The following GABRA2 variants were observed in gnomAD, a reference collection of about 807,000 sequenced individuals.
GABRA2 encodes the protein gamma-aminobutyric acid receptor subunit alpha-2.
A neutral mutation model predicts 48.7 loss-of-function variants in GABRA2; 16 were observed. The observed-to-expected ratio is 0.33, with a 90% CI of 0.22 to 0.50. GABRA2 has a LOEUF of 0.50. Among genes scored for constraint, GABRA2 ranks in the 20% least tolerant of loss-of-function variants. GABRA2 has a pLI of 0.98. For synonymous variants in GABRA2, 185 were observed against 184.5 expected, an observed-to-expected ratio of 1.00 and a Z score of -0.02; for missense variants, 275 against 535.6, an observed-to-expected ratio of 0.51 and a Z score of 4.80.
rs1402726397 is a variant in GABRA2 at position 46,245,737 on chromosome 4, A to T, written c.*4571T>A. Reference sequence around the variant, plus strand: ...AAACATACACACATCACTGACACACACAGCTAAGACCCTATTAAAAGATCT... The same window carrying T: ...AAACATACACACATCACTGACACACTCAGCTAAGACCCTATTAAAAGATCT... On this transcript the variant is annotated 3_prime_UTR_variant, in exon 10 of 10. Coordinates refer to ENST00000381620, the MANE Select transcript of GABRA2 (RefSeq NM_000807.4). 6.6e-6 allele frequency among the ~76,000 whole-genome samples: 1 copy of T among 151,202 alleles called. No individual in the cohort carries two copies. Among genetic ancestry groups the T allele is most frequent in the African/African-American group, 2.4e-5 (1 of 41,368 alleles).
intron 3 of GABRA2, among the ~76,000 whole-genome samples, chr4:46,342,999 A>G (rs1000891081): frequency 1.3e-5 from 2 of 151,984 alleles, no homozygotes; most frequent in African/African-American, 4.8e-5. Flanking sequence ...ATATAGGGTT[A>G]ACTACATGCC....
chr4:46,364,764 G>A (rs1458357817), intron 3 of GABRA2: 1 of 152,098 alleles, frequency 6.6e-6, no homozygotes, highest in Non-Finnish European at 1.5e-5. Context: ...AGATTTAAAA[G>A]GCTCATGTGA....
intron 3 of GABRA2, among the ~76,000 whole-genome samples, chr4:46,352,746 G>A (rs1322355395): frequency 6.6e-6 from 1 of 152,008 alleles, no homozygotes; most frequent in Non-Finnish European, 1.5e-5. Flanking sequence ...ACAATCTAAG[G>A]CTCTTAAAAG....
chr4:46,300,498 G>C (rs1725547207), intron 8 of GABRA2, among the ~76,000 whole-genome samples: 1 of 151,710 alleles, frequency 6.6e-6, no homozygotes, highest in Non-Finnish European at 1.5e-5. Context: ...ACAAGTTCTA[G>C]ACTTATAAGT....
intron 9 of GABRA2, among the ~76,000 whole-genome samples, chr4:46,257,168 T>A (rs1716002687): frequency 6.6e-6 from 1 of 151,662 alleles, no homozygotes; most frequent in Admixed American, 6.6e-5. Context: ...TGTAATGAGA[T>A]GTTGTAAAAA....
chr4:46,289,912 T>TTATTTATTTTTA (rs1560482683), intron 8 of GABRA2, among the ~76,000 whole-genome samples: 14 of 143,828 alleles, frequency 9.7e-5, no homozygotes, highest in African/African-American at 3.2e-4. Context: ...TATTTATTTT[T>TTATTTATTTTTA]ATTTTTTTTT....
intron 3 of GABRA2, among the ~76,000 whole-genome samples, chr4:46,383,474 T>C (rs764961726): frequency 4.6e-5 from 7 of 152,294 alleles, no homozygotes; most frequent in Admixed American, 2.6e-4. Flanking sequence ...AGCATCAACA[T>C]TTATTTTATG....
rs115875534 is a variant in GABRA2 at position 46,250,943 on chromosome 4, G to A, written c.1060-339C>T. On this transcript the variant is annotated intron_variant, in intron 9 of 9. Coordinates refer to ENST00000381620, the MANE Select transcript of GABRA2 (RefSeq NM_000807.4). ...GTATTTGTCAAATGAATGACTGAATGAATAACTGAAATGTAGAAATATTTT... is the reference window on the plus strand; with the variant it reads ...GTATTTGTCAAATGAATGACTGAATAAATAACTGAAATGTAGAAATATTTT... Among the ~76,000 whole-genome samples, 1,153 of 151,588 alleles carry A rather than the reference G, an allele frequency of 7.6e-3. 16 individuals carry two copies. The highest frequency in any genetic ancestry group is 0.026 in the African/African-American group (1,087 of 41,440).
intron 3 of GABRA2, among the ~76,000 whole-genome samples, chr4:46,372,262 A>T (rs1458459563): frequency 1.3e-5 from 2 of 152,166 alleles, no homozygotes; most frequent in African/African-American, 4.8e-5. Flanking sequence ...CAAGCAGGAC[A>T]CTAATTTCCC....
At chr4:46,267,881 A>ATTTCAGATTTTTCAGATTATGGATGCTG (rs1374022653) in intron 8 of GABRA2, among the ~76,000 whole-genome samples, 2 of 151,998 alleles carry the variant, frequency 1.3e-5, no homozygotes, top group Non-Finnish European at 2.9e-5. Flanking sequence ...GTCATTGTAG[A>ATTTCAGATTTTTCAGATTATGGATGCTG]TTTCAGATTT....
intron 3 of GABRA2, among the ~76,000 whole-genome samples, chr4:46,385,292 A>C (rs148145556): frequency 6.6e-6 from 1 of 151,966 alleles, no homozygotes; most frequent in Non-Finnish European, 1.5e-5. Context: ...TTTTGAATTA[A>C]CTGTGAAACT....
At position 46,250,977 on chromosome 4, in the gene GABRA2, G is replaced by T. The variant is rs984719122; in HGVS notation, c.1060-373C>A. On this transcript the variant is annotated intron_variant, in intron 9 of 9. Coordinates refer to ENST00000381620, the MANE Select transcript of GABRA2 (RefSeq NM_000807.4). ...AAATGTAGAAATATTTTAACAAGAG[G>T]AATGATAATCTACAATGAATGATCC... is the stretch of plus-strand genomic sequence containing the variant. Among the ~76,000 whole-genome samples the T allele has an allele frequency of 2.0e-5, 3 of 151,536 alleles. No individual in the cohort carries two copies. In the East Asian group the frequency reaches 5.9e-4, roughly 30 times the overall value.
chr4:46,317,438 C>T (rs1728730018), intron 4 of GABRA2, among the ~76,000 whole-genome samples: 1 of 151,308 alleles, frequency 6.6e-6, no homozygotes, highest in Non-Finnish European at 1.5e-5. Flanking sequence ...ACGATATAGA[C>T]ATTATTAAGA....
At chr4:46,378,101 G>A (rs1425515800) in intron 3 of GABRA2, among the ~76,000 whole-genome samples, 3 of 151,756 alleles carry the variant, frequency 2.0e-5, no homozygotes, top group East Asian at 3.9e-4. Flanking sequence ...CTGCCCGGCC[G>A]CCCCTACTGG....
intron 3 of GABRA2, among the ~76,000 whole-genome samples, chr4:46,378,023 G>C (rs1484855561): frequency 1.4e-5 from 2 of 138,806 alleles, no homozygotes; most frequent in East Asian, 4.5e-4. Flanking sequence ...CGCCCCGTCC[G>C]GGAGGGAGGT....
In GABRA2 at chr4:46,310,225, G is replaced by A. The variant is rs1316468661; in HGVS notation, c.507C>T (p.His169=). The A allele has an allele frequency of 6.2e-7, 1 of 1,613,708 alleles. No individual in the cohort carries two copies. Among genetic ancestry groups the A allele is most frequent in the South Asian group, 1.1e-5 (1 of 91,072 alleles). ...RLTVQAECPM[H]LEDFPMDAHS... is the part of the protein sequence containing the mutation. ...GAGCATCCATTGGGAAATCCTCCAA[G>A]TGCATTGGGCATTCAGCTTGAACTG... The change falls in exon 6 of 10, where the codon CAC becomes CAT. Residue 169 remains histidine (H), a synonymous_variant. Coordinates refer to ENST00000381620, the MANE Select transcript of GABRA2 (RefSeq NM_000807.4).
At chr4:46,361,792 G>A (rs1471605259) in intron 3 of GABRA2, among the ~76,000 whole-genome samples, 2 of 152,218 alleles carry the variant, frequency 1.3e-5, no homozygotes, top group Admixed American at 6.5e-5. Flanking sequence ...GGCCATGGTA[G>A]CCCACCTCTT....
In GABRA2 at chr4:46,256,273, T is replaced by C. The variant is rs1033706383; in HGVS notation, c.1059+5653A>G. ...TCTTTTCTTGGAATAAACTGGGCCATGAGAAAGCTATATACTTGGACCATA... is the reference window on the plus strand; with the variant it reads ...TCTTTTCTTGGAATAAACTGGGCCACGAGAAAGCTATATACTTGGACCATA... On this transcript the variant is annotated intron_variant, in intron 9 of 9. Coordinates refer to ENST00000381620, the MANE Select transcript of GABRA2 (RefSeq NM_000807.4). 1.4e-6 allele frequency: 1 copy of C among 696,918 alleles called. No individual in the cohort carries two copies. Among genetic ancestry groups the C allele is most frequent in the Non-Finnish European group, 2.6e-6 (1 of 381,516 alleles). The allele number at this position is 696,918 out of a possible 1,614,324, so 43.2% of individuals were successfully genotyped here.
In GABRA2 at chr4:46,245,253, A is replaced by C. The variant is rs183619358; in HGVS notation, c.*5055T>G. On this transcript the variant is annotated 3_prime_UTR_variant, in exon 10 of 10. Coordinates refer to ENST00000381620, the MANE Select transcript of GABRA2 (RefSeq NM_000807.4). Reference sequence around the variant, plus strand: ...ATTATACTCTGAATCATTCCAATTCAAAAAGTAAGGTATGAAACAAATCAG... The same window carrying C: ...ATTATACTCTGAATCATTCCAATTCCAAAAGTAAGGTATGAAACAAATCAG... Among the ~76,000 whole-genome samples the C allele has an allele frequency of 6.6e-6, 1 of 151,426 alleles. No individual in the cohort carries two copies. Among genetic ancestry groups the C allele is most frequent in the Admixed American group, 6.6e-5 (1 of 15,144 alleles).
Sources: gnomAD v4.1 joint callset for allele counts (sites outside exome capture counted in the v4.1 genomes callset) on GRCh38, gnomAD v4.1.1 for gene constraint, MANE v1.5 for transcripts, NCBI Gene and HGNC (gene_info 2026-07-23, HGNC 2026-07-21) for gene names.